SNX29: variants seen among roughly 807,000 people sequenced by gnomAD.
SNX29 encodes sorting nexin 29.
Under a neutral mutation model 102.1 loss-of-function variants are expected in SNX29, and 78 were observed. The observed-to-expected ratio is 0.76, with a 90% CI of 0.64 to 0.92. SNX29 has a LOEUF of 0.92. Among genes scored for constraint, SNX29 ranks in the 40% least tolerant of loss-of-function variants. SNX29 has a pLI of 0.00. For missense variants in SNX29, 1,280 were observed against 1,061.7 expected (o/e 1.21, Z -2.86); for synonymous variants, 580 against 414.5 (o/e 1.40, Z -4.85).
chr16:12,525,689 GC>G lies in SNX29; in HGVS notation c.2318+856del, dbSNP rs1307151667. 2.0e-4 allele frequency among the ~76,000 whole-genome samples: 19 copies of G among 94,886 alleles called. 1 individual carries two copies. Among genetic ancestry groups the G allele is most frequent in the East Asian group, 1.0e-3 (3 of 2,986 alleles). The allele number at this position is 94,886 out of a possible 152,430, so 62.2% of individuals were successfully genotyped here. On this transcript the variant is annotated intron_variant, in intron 20 of 20. Coordinates refer to ENST00000566228, the MANE Select transcript of SNX29 (RefSeq NM_032167.5). ...CCTGGGTGACAGAGCAAGACTCCAC[GC>G]CCCCCCCACCCCCCCCCCCAAAAAA...
At chr16:12,362,345 T>C (rs1183552921) in intron 16 of SNX29, among the ~76,000 whole-genome samples, 14 of 152,164 alleles carry the variant, frequency 9.2e-5, no homozygotes, top group African/African-American at 3.4e-4. Flanking sequence ...AACCCAGAGA[T>C]CTTGCCCTGC....
intron 20 of SNX29, among the ~76,000 whole-genome samples, chr16:12,553,023 C>T (rs1248004960): frequency 2.6e-5 from 4 of 152,214 alleles, no homozygotes; most frequent in Non-Finnish European, 5.9e-5. Flanking sequence ...ATTAGATCAG[C>T]TTTAAGAGGC....
chr16:12,324,481 C>T (rs1323416963), intron 15 of SNX29, among the ~76,000 whole-genome samples: 1 of 151,962 alleles, frequency 6.6e-6, no homozygotes, highest in Non-Finnish European at 1.5e-5. Flanking sequence ...GCCATGTTGC[C>T]CAGGCTGTTC....
At chr16:12,398,371 ATTC>A in intron 16 of SNX29, 72 bp from the exon 17 acceptor site, 2 of 1,509,116 alleles carry the variant, frequency 1.3e-6, no homozygotes, top group South Asian at 1.1e-5. Flanking sequence ...GAGAGGCAGA[ATTC>A]TTCTGTGATT....
intron 19 of SNX29, among the ~76,000 whole-genome samples, chr16:12,479,185 C>CT (rs1327697880): frequency 2.0e-5 from 3 of 152,170 alleles, no homozygotes; most frequent in Non-Finnish European, 4.4e-5. Context: ...AACAAGCCCT[C>CT]TAGGTGATGC....
intron 18 of SNX29, among the ~76,000 whole-genome samples, chr16:12,463,602 G>A (rs534837457): frequency 1.3e-5 from 2 of 152,214 alleles, no homozygotes; most frequent in African/African-American, 4.8e-5. Flanking sequence ...ACAACACGTG[G>A]GAATTATGGG....
At position 12,572,885 on chromosome 16, in the gene SNX29, C is replaced by T; in HGVS notation, c.*4256C>T. On this transcript the variant is annotated 3_prime_UTR_variant, in exon 21 of 21. Coordinates refer to ENST00000566228, the MANE Select transcript of SNX29 (RefSeq NM_032167.5). ...AAGGTAATGATTGTCTTGACTCTGCCTTGGCATTTCGCTCGGAATCACGGC... is the reference window on the plus strand; with the variant it reads ...AAGGTAATGATTGTCTTGACTCTGCTTTGGCATTTCGCTCGGAATCACGGC... 9.5e-7 allele frequency: 1 copy of T among 1,055,808 alleles called. No individual in the cohort carries two copies. Among genetic ancestry groups the T allele is most frequent in the East Asian group, 5.0e-5 (1 of 19,862 alleles). The allele number at this position is 1,055,808 out of a possible 1,614,324, so 65.4% of individuals were successfully genotyped here.
intron 17 of SNX29, among the ~76,000 whole-genome samples, chr16:12,399,035 A>G (rs1013486228): frequency 2.0e-5 from 3 of 151,950 alleles, no homozygotes; most frequent in Non-Finnish European, 4.4e-5. Flanking sequence ...AGCCACCCAT[A>G]GGGAGAGATT....
chr16:12,396,883 A>C (rs914605104), intron 16 of SNX29, among the ~76,000 whole-genome samples: 1 of 152,240 alleles, frequency 6.6e-6, no homozygotes, highest in Non-Finnish European at 1.5e-5. Context: ...AAAAAAGTTC[A>C]AAATAGAAAA....
chr16:12,445,296 A>G (rs779385893), intron 18 of SNX29, among the ~76,000 whole-genome samples: 12 of 152,196 alleles, frequency 7.9e-5, no homozygotes, highest in Non-Finnish European at 1.6e-4. Flanking sequence ...AGCCTAAAAC[A>G]TTTATCATCT....
chr16:12,469,092 A>G (rs1440691077), intron 18 of SNX29, among the ~76,000 whole-genome samples: 2 of 152,226 alleles, frequency 1.3e-5, no homozygotes, highest in Non-Finnish European at 2.9e-5. Context: ...GGTCTCTGCC[A>G]CATCCAGACC....
At chr16:12,547,690 G>GTGGGATGGTT in intron 20 of SNX29, among the ~76,000 whole-genome samples, 1 of 152,062 alleles carries the variant, frequency 6.6e-6, no homozygotes. Context: ...CCTGGCCCCC[G>GTGGGATGGTT]CGTTCCTGTC....
intron 14 of SNX29, among the ~76,000 whole-genome samples, chr16:12,207,702 G>A (rs1253527094): frequency 6.6e-6 from 1 of 152,134 alleles, no homozygotes; most frequent in Admixed American, 6.5e-5. Flanking sequence ...TGTTGCATTT[G>A]TGGTACGATC....
intron 16 of SNX29, chr16:12,374,450 G>A (rs1417644610): frequency 6.6e-6 from 1 of 152,214 alleles, no homozygotes; most frequent in African/African-American, 2.4e-5. Flanking sequence ...CCAGCTCTCG[G>A]GTCTGTCTGT....
At chr16:12,184,260 C>G (rs906924903) in intron 13 of SNX29, among the ~76,000 whole-genome samples, 3 of 152,282 alleles carry the variant, frequency 2.0e-5, no homozygotes, top group Non-Finnish European at 4.4e-5. Context: ...CCTAAAGTGT[C>G]TTTTATAGCC....
chr16:12,395,843 A>G (rs2083701298), intron 16 of SNX29, among the ~76,000 whole-genome samples: 1 of 152,252 alleles, frequency 6.6e-6, no homozygotes, highest in African/African-American at 2.4e-5. Flanking sequence ...TGTCAAGTCT[A>G]GCTAATATCT....
At chr16:12,461,338 A>C (rs527510991) in intron 18 of SNX29, among the ~76,000 whole-genome samples, 1 of 152,168 alleles carries the variant, frequency 6.6e-6, no homozygotes, top group African/African-American at 2.4e-5. Context: ...GCTGACTTGG[A>C]AGGAATTTCC....
At chr16:12,545,354 AC>A (rs1392914515) in intron 20 of SNX29, 2 of 152,278 alleles carry the variant, frequency 1.3e-5, no homozygotes, top group East Asian at 3.9e-4. Flanking sequence ...CCAAGTACAT[AC>A]AGAGTGACAA....
At chr16:12,054,330 A>G (rs968783698) in intron 8 of SNX29, among the ~76,000 whole-genome samples, 3 of 152,038 alleles carry the variant, frequency 2.0e-5, no homozygotes, top group Admixed American at 6.6e-5. Context: ...TGTAATGGTT[A>G]ATTTTGTGTG....
Sources: allele counts gnomAD v4.1 joint callset (sites outside exome capture counted in the v4.1 genomes callset), GRCh38; gene constraint gnomAD v4.1.1; transcripts MANE v1.5; gene names NCBI Gene and HGNC (gene_info 2026-07-23, HGNC 2026-07-21).